Variants in PCDHGA10 observed in about 807,000 individuals in gnomAD.
PCDHGA10 encodes the protein protocadherin gamma subfamily A, 10.
In PCDHGA10, 42 loss-of-function variants were observed where a neutral mutation model predicts 59.5. The observed-to-expected ratio is 0.71, with a 90% CI of 0.55 to 0.91. The LOEUF (loss-of-function observed/expected upper bound fraction) is 0.91. PCDHGA10 is among the 40% of genes least tolerant of loss of function. The pLI, the probability that PCDHGA10 is intolerant of heterozygous loss-of-function variation, is 0.00. For missense variants in PCDHGA10, 1,111 were observed against 1,198.2 expected (o/e 0.93, Z 1.07); for synonymous variants, 511 against 517.2 (o/e 0.99, Z 0.16).
In PCDHGA10 at chr5:141,432,661, C is replaced by T; in HGVS notation, c.2436+17050C>T. ...TGCGCACGGCGCGAGCCCTGCTGGACAGAGACGCGCTCAAGCAGAGCCTCG... is the reference window on the plus strand; with the variant it reads ...TGCGCACGGCGCGAGCCCTGCTGGATAGAGACGCGCTCAAGCAGAGCCTCG... On this transcript the variant is annotated intron_variant, in intron 1 of 3. Transcript: ENST00000398610. This position sits in a 1 kb window ranked among gnomAD's most constrained non-coding sequence, Gnocchi z 6.0. 3.1e-6 allele frequency: 5 copies of T among 1,613,886 alleles called. No homozygotes were observed. In the South Asian group the frequency reaches 5.5e-5, roughly 18 times the overall value.
At chr5:141,450,815 A>ATAT (rs1420984335) in intron 1 of PCDHGA10, among the ~76,000 whole-genome samples, 2,245 of 126,710 alleles carry the variant, frequency 0.018, 73 homozygotes, top group African/African-American at 0.063. Flanking sequence ...TATTTATTTA[A>ATAT]TATTATTATT....
chr5:141,433,204 C>T, intron 1 of PCDHGA10: 6 of 1,566,938 alleles, frequency 3.8e-6, no homozygotes, highest in Admixed American at 2.0e-5. Flanking sequence ...ATCAAATCTT[C>T]TTTCTTTTTT....
chr5:141,492,487 C>T (rs1031047955), intron 1 of PCDHGA10, among the ~76,000 whole-genome samples: 1 of 152,222 alleles, frequency 6.6e-6, no homozygotes, highest in Non-Finnish European at 1.5e-5. Context: ...CGCCCAGGAC[C>T]AGGCGAGGAC....
At chr5:141,473,635 C>A (rs945632106) in intron 1 of PCDHGA10, among the ~76,000 whole-genome samples, 1 of 152,128 alleles carries the variant, frequency 6.6e-6, no homozygotes, top group African/African-American at 2.4e-5. Flanking sequence ...AGCAGCTTTC[C>A]TGGCAAAGGA....
Position 141,413,555 on chromosome 5 carries a change from T to C in PCDHGA10, c.380T>C (p.Val127Ala), listed in dbSNP as rs1270604020. 1 of 1,613,852 alleles carries C rather than the reference T, an allele frequency of 6.2e-7. No homozygotes were observed. Reference protein sequence around the residue: ...RVKLFGIEIEVTDINDNAPKF... With the variant: ...RVKLFGIEIEATDINDNAPKF... ...AAACTTTTTGGGATAGAAATAGAAG[T>C]AACTGATATCAATGACAATGCTCCA... The change falls in exon 1 of 4, where the codon GTA becomes GCA. Residue 127 changes from valine to alanine, a missense_variant. Physicochemically the swap from Val to Ala is moderately conservative, Grantham distance 64 (BLOSUM62 0). Coordinates refer to ENST00000398610, the MANE Select transcript of PCDHGA10 (RefSeq NM_018913.3).
At chr5:141,455,552 G>T (rs897699654) in intron 1 of PCDHGA10, among the ~76,000 whole-genome samples, 1 of 152,144 alleles carries the variant, frequency 6.6e-6, no homozygotes, top group African/African-American at 2.4e-5. Flanking sequence ...CGTAGCCCGA[G>T]AAAAAGCTGG....
rs747951360 is a variant in PCDHGA10, at chr5:141,415,014, C to T, written c.1839C>T (p.Leu613=). ...ACGCCTGGCTGTCCTACCGTCTGCT[C>T]AAGGCCAGCGAGCCGGGACTCTTCG... ...GQNAWLSYRL[L]KASEPGLFAV... is the part of the protein sequence containing the mutation. Residue 613 remains leucine, a synonymous_variant, in exon 1 of 4, where the codon CTC becomes CTT. Transcript: ENST00000398610. 2 of 1,613,620 alleles carry T rather than the reference C, an allele frequency of 1.2e-6. No homozygotes were observed. Among genetic ancestry groups the T allele is most frequent in the Non-Finnish European group, 1.7e-6 (2 of 1,180,018 alleles).
intron 1 of PCDHGA10, chr5:141,417,639 C>G: frequency 1.3e-6 from 1 of 745,670 alleles, no homozygotes; most frequent in Non-Finnish European, 2.1e-6. Flanking sequence ...CGCCGGGGAT[C>G]CCTCAGCCTC....
At chr5:141,503,745 G>A (rs1377110427) in intron 2 of PCDHGA10, among the ~76,000 whole-genome samples, 3 of 152,220 alleles carry the variant, frequency 2.0e-5, no homozygotes, top group South Asian at 2.1e-4. Flanking sequence ...ATGGTATAGA[G>A]GTCACACATG....
chr5:141,492,919 C>A (rs1019663003), intron 1 of PCDHGA10, among the ~76,000 whole-genome samples: 1 of 152,192 alleles, frequency 6.6e-6, no homozygotes, highest in Non-Finnish European at 1.5e-5. Context: ...ATGTGCCCAG[C>A]GATCTAGGGT....
At chr5:141,427,733 C>T (rs2097062553) in intron 1 of PCDHGA10, 2 of 1,200,562 alleles carry the variant, frequency 1.7e-6, no homozygotes, top group East Asian at 4.7e-5. Context: ...GGCTGAATGG[C>T]CAAGTCTCCT....
At chr5:141,440,732 A>C (rs2154559008) in intron 1 of PCDHGA10, 1 of 152,346 alleles carries the variant, frequency 6.6e-6, no homozygotes, top group African/African-American at 2.4e-5. Context: ...GTGTTAGAGA[A>C]GCTGCTTGAC....
In PCDHGA10 at chr5:141,451,946, G is replaced by A. The variant is rs146934262; in HGVS notation, c.2436+36335G>A. On this transcript the variant is annotated intron_variant, in intron 1 of 3. Coordinates refer to ENST00000398610, the MANE Select transcript of PCDHGA10 (RefSeq NM_018913.3). ...GGAGGTAGGGAGGCAGGGAAAGACC[G>A]AGAAAGTGACATACCATCATTTTTG... Among the ~76,000 whole-genome samples, 240 of 152,218 alleles carry A rather than the reference G, an allele frequency of 1.6e-3. 1 individual carries two copies. Among genetic ancestry groups the A allele is most frequent in the Non-Finnish European group, 2.9e-3 (195 of 68,026 alleles).
Position 141,491,401 on chromosome 5 carries a change from G to T in PCDHGA10, c.2437-3406G>T, listed in dbSNP as rs1442005704. ...GTCAGCGAAGTGCCTTCAGGGAAAC[G>T]CAGACGGGGACGGGGGTGGAGGGCA... On this transcript the variant is annotated intron_variant, in intron 1 of 3. Coordinates refer to ENST00000398610, the MANE Select transcript of PCDHGA10 (RefSeq NM_018913.3). The surrounding 1 kb of genome is among the most constrained non-coding windows in gnomAD (Gnocchi z 6.9). 1.2e-6 allele frequency: 2 copies of T among 1,614,102 alleles called. No homozygotes were observed. Among genetic ancestry groups the T allele is most frequent in the Non-Finnish European group, 1.7e-6 (2 of 1,179,990 alleles).
At chr5:141,435,858 A>C (rs138728159) in intron 1 of PCDHGA10, among the ~76,000 whole-genome samples, 1 of 152,304 alleles carries the variant, frequency 6.6e-6, no homozygotes, top group East Asian at 1.9e-4. Context: ...TACAATAGTT[A>C]AAACCCAGAA....
rs766852982 is a variant in PCDHGA10, at chr5:141,486,907, A to G, written c.2437-7900A>G. ...CCCGGCCTGGTTCCTTATGTCCCCA[A>G]GCACTGCCTCCATCAGTTGGTGCTG... On this transcript the variant is annotated intron_variant, in intron 1 of 3. Coordinates refer to ENST00000398610, the MANE Select transcript of PCDHGA10 (RefSeq NM_018913.3). The surrounding 1 kb of genome is among the most constrained non-coding windows in gnomAD (Gnocchi z 5.0). 6.2e-5 allele frequency: 100 copies of G among 1,614,122 alleles called. No homozygotes were observed. The highest frequency in any genetic ancestry group is 8.0e-5 in the Non-Finnish European group (94 of 1,180,056).
intron 1 of PCDHGA10, among the ~76,000 whole-genome samples, chr5:141,450,814 A>C (rs990515429): frequency 1.5e-5 from 2 of 136,790 alleles, no homozygotes; most frequent in Non-Finnish European, 3.1e-5. Context: ...TTATTTATTT[A>C]ATATTATTAT....
chr5:141,427,220 T>G (rs1487350481), intron 1 of PCDHGA10: 1 of 456,710 alleles, frequency 2.2e-6, no homozygotes, highest in East Asian at 6.9e-5. Flanking sequence ...TTCGTAGCAG[T>G]TATACCATGA....
chr5:141,439,118 G>A (rs1293542421), intron 1 of PCDHGA10, among the ~76,000 whole-genome samples: 3 of 151,390 alleles, frequency 2.0e-5, no homozygotes, highest in Non-Finnish European at 4.4e-5. Flanking sequence ...ACTTGAACCC[G>A]GGAGACAGAG....
Sources: allele counts gnomAD v4.1 joint callset (sites outside exome capture counted in the v4.1 genomes callset), GRCh38; gene constraint gnomAD v4.1.1; non-coding constraint Gnocchi (gnomAD v3.1); transcripts MANE v1.5; gene names NCBI Gene and HGNC (gene_info 2026-07-23, HGNC 2026-07-21).